VCAN: variants seen among roughly 807,000 people sequenced by gnomAD.
VCAN encodes the protein versican.
In VCAN, 44 loss-of-function variants were observed where a neutral mutation model predicts 245.5. The observed-to-expected ratio is 0.18, with a 90% CI of 0.14 to 0.23. The LOEUF (loss-of-function observed/expected upper bound fraction) is 0.23. Ranked by LOEUF, VCAN falls within the 10% of genes least tolerant of loss-of-function variation. VCAN has a pLI of 1.00. For missense variants in VCAN, 3,793 were observed against 4,057.9 expected, an observed-to-expected ratio of 0.93 and a Z score of 1.77; for synonymous variants, 1,413 against 1,437.0, an observed-to-expected ratio of 0.98 and a Z score of 0.38.
At chr5:83,556,612 G>T (rs907810677) in intron 12 of VCAN, among the ~76,000 whole-genome samples, 1 of 152,122 alleles carries the variant, frequency 6.6e-6, no homozygotes, top group Admixed American at 6.6e-5. Flanking sequence ...GTCCTGGCTG[G>T]ATGTATTGGA....
At chr5:83,526,085 GC>G (rs1230009145) in intron 7 of VCAN, among the ~76,000 whole-genome samples, 2 of 146,716 alleles carry the variant, frequency 1.4e-5, no homozygotes, top group Non-Finnish European at 3.1e-5. Context: ...GATTACAGGC[GC>G]CTGCCACCAT....
Position 83,521,826 on chromosome 5 carries a change from T to A in VCAN, c.3520T>A (p.Ser1174Thr), listed in dbSNP as rs1169471756. ...LMEETTTEKT[S>T]LEDIDLGSGL... is the part of the protein sequence containing the mutation. ...GGAAGAAACCACTACTGAGAAAACA[T>A]CCCTAGAGGATATTGATTTAGGCTC... Residue 1174 changes from serine (S) to threonine (T), a missense_variant, in exon 7 of 15, where the codon TCC (serine) becomes ACC (threonine). Ser to Thr is a moderately conservative substitution (Grantham distance 58, BLOSUM62 1). This residue lies in a region of VCAN where 3,182 missense variants were observed against 3,250.3 expected (regional missense o/e 0.98). Transcript: ENST00000265077. 1.9e-6 allele frequency: 3 copies of A among 1,613,946 alleles called. No homozygotes were observed. Among genetic ancestry groups the A allele is most frequent in the Non-Finnish European group, 2.5e-6 (3 of 1,180,004 alleles).
intron 7 of VCAN, among the ~76,000 whole-genome samples, chr5:83,522,917 C>A (rs954690002): frequency 2.0e-5 from 3 of 152,064 alleles, no homozygotes; most frequent in African/African-American, 7.2e-5. Context: ...CTATTTAGAG[C>A]AAGTACAACC....
chr5:83,512,581 AT>A, intron 6 of VCAN, 185 bp downstream of exon 6: 1 of 757,956 alleles, frequency 1.3e-6, no homozygotes. Context: ...AACCACAGGA[AT>A]TTTGGCAAAT....
chr5:83,471,999 A>G lies in VCAN; in HGVS notation c.-31A>G. 2.6e-6 allele frequency: 1 copy of G among 381,396 alleles called. No homozygotes were observed. The allele number at this position is 381,396 out of a possible 1,614,324, so 23.6% of individuals were successfully genotyped here. On this transcript the variant is annotated 5_prime_UTR_variant, in exon 1 of 15. Coordinates refer to ENST00000265077, the MANE Select transcript of VCAN (RefSeq NM_004385.5). ...CAGCGCTGCAGTGAATTTTCCCCCCAAACTGCAATAAGCCGCCTTCCAAGG... is the reference window on the plus strand; with the variant it reads ...CAGCGCTGCAGTGAATTTTCCCCCCGAACTGCAATAAGCCGCCTTCCAAGG...
chr5:83,546,530 C>T (rs948725471), intron 9 of VCAN, among the ~76,000 whole-genome samples: 8 of 150,604 alleles, frequency 5.3e-5, no homozygotes, highest in Admixed American at 4.0e-4. Flanking sequence ...GCGAGGTGGG[C>T]GAATCGCTTG....
At position 83,548,054 on chromosome 5, in the gene VCAN, C is replaced by T; in HGVS notation, c.9463C>T (p.Pro3155Ser). The change falls in exon 10 of 15, where the codon CCA becomes TCA. Residue 3155 changes from proline (P) to serine (S), a missense_variant. Around this residue, in one of 5 missense-constraint regions of VCAN, gnomAD observed 205 missense variants for 321.1 expected, o/e 0.64. Coordinates refer to ENST00000265077, the MANE Select transcript of VCAN (RefSeq NM_004385.5). ...GFNTFRCLCL[P>S]SYVGALCEQD... Reference sequence around the variant, plus strand: ...TAACACATTCAGGTGCCTCTGCCTTCCAAGTTATGTTGGTGCACTTTGTGA... The same window carrying T: ...TAACACATTCAGGTGCCTCTGCCTTTCAAGTTATGTTGGTGCACTTTGTGA... The T allele has an allele frequency of 6.2e-7, 1 of 1,613,990 alleles. No individual in the cohort carries two copies. The highest frequency in any genetic ancestry group is 1.3e-5 in the African/African-American group (1 of 75,032).
At chr5:83,552,598 A>T (rs1747510038) in intron 10 of VCAN, among the ~76,000 whole-genome samples, 1 of 152,176 alleles carries the variant, frequency 6.6e-6, no homozygotes, top group Non-Finnish European at 1.5e-5. Flanking sequence ...GAAAAATATT[A>T]TTGTCCCACT....
At chr5:83,524,197 T>C (rs1746204755) in intron 7 of VCAN, among the ~76,000 whole-genome samples, 1 of 152,096 alleles carries the variant, frequency 6.6e-6, no homozygotes, top group Non-Finnish European at 1.5e-5. Flanking sequence ...AAGTTATAAA[T>C]GGTTGCTGGA....
Position 83,520,049 on chromosome 5 carries a change from G to A in VCAN, c.1743G>A (p.Thr581=), listed in dbSNP as rs200071809. 19 of 1,613,860 alleles carry A rather than the reference G, an allele frequency of 1.2e-5. No homozygotes were observed. Among genetic ancestry groups the A allele is most frequent in the South Asian group, 9.9e-5 (9 of 91,074 alleles). Residue 581 remains threonine (T), a synonymous_variant, in exon 7 of 15, where the codon ACG becomes ACA. Coordinates refer to ENST00000265077, the MANE Select transcript of VCAN (RefSeq NM_004385.5). The part of the protein sequence containing the change: ...LIFDQIPEVI[T]VSKTSEDTIH... Reference sequence around the variant, plus strand: ...TTGACCAAATTCCTGAAGTCATTACGGTGTCAAAGACTTCAGAAGACACCA... The same window carrying A: ...TTGACCAAATTCCTGAAGTCATTACAGTGTCAAAGACTTCAGAAGACACCA...
chr5:83,496,196 C>CT (rs1421244542), intron 5 of VCAN, among the ~76,000 whole-genome samples: 1 of 152,190 alleles, frequency 6.6e-6, no homozygotes, highest in Non-Finnish European at 1.5e-5. Context: ...GAACTGGACT[C>CT]TGTCAGAAGA....
intron 7 of VCAN, chr5:83,536,129 G>A (rs1172891453): frequency 6.6e-6 from 1 of 152,136 alleles, no homozygotes; most frequent in South Asian, 2.1e-4. Flanking sequence ...ATATTCTGAT[G>A]ATACATACTT....
At chr5:83,543,716 A>G (rs1303671916) in intron 8 of VCAN, among the ~76,000 whole-genome samples, 2 of 152,206 alleles carry the variant, frequency 1.3e-5, no homozygotes, top group East Asian at 3.9e-4. Flanking sequence ...CTAGGTACAT[A>G]TAGAGTTAAG....
rs746816207 is a variant in VCAN at position 83,521,631 on chromosome 5, G to C, written c.3325G>C (p.Val1109Leu). The change falls in exon 7 of 15, where the codon GTA (valine) becomes CTA (leucine). Residue 1109 changes from valine to leucine, a missense_variant. By Grantham distance (32) the Val-to-Leu change is conservative (BLOSUM62 1). Coordinates refer to ENST00000265077, the MANE Select transcript of VCAN (RefSeq NM_004385.5). ...CAGTGTGTCTTATCCACCAGGTGCT[G>C]TAACTGAGCACAAAGTGAAAACAGA... ...DHSVSYPPGA[V>L]TEHKVKTDEV... 5 of 1,613,744 alleles carry C rather than the reference G, an allele frequency of 3.1e-6. No homozygotes were observed. The highest frequency in any genetic ancestry group is 1.1e-5 in the South Asian group (1 of 91,084).
At chr5:83,534,650 A>G (rs1746639115) in intron 7 of VCAN, among the ~76,000 whole-genome samples, 1 of 152,038 alleles carries the variant, frequency 6.6e-6, no homozygotes, top group African/African-American at 2.4e-5. Context: ...AGATATGCAC[A>G]TTTTTAAACT....
chr5:83,563,667 T>G (rs1170852404), intron 12 of VCAN, among the ~76,000 whole-genome samples: 1 of 152,196 alleles, frequency 6.6e-6, no homozygotes, highest in Non-Finnish European at 1.5e-5. Context: ...TTGCCCTTGG[T>G]ATCCAGTGCG....
Position 83,540,115 on chromosome 5 carries a change from C to G in VCAN, c.7112C>G (p.Thr2371Ser), listed in dbSNP as rs531873083. The change falls in exon 8 of 15, where the codon ACT becomes AGT. Residue 2371 changes from threonine to serine, a missense_variant. Thr to Ser is a moderately conservative substitution (Grantham distance 58). Around this residue, in one of 5 missense-constraint regions of VCAN, gnomAD observed 3,182 missense variants for 3,250.3 expected, o/e 0.98. Transcript: ENST00000265077. ...QTVRWAEEIQ[T>S]SRPQTITEQD... ...GTCAGGTGGGCAGAAGAAATCCAGA[C>G]TAGTAGACCACAAACCATAACTGAA... 36 of 1,613,964 alleles carry G rather than the reference C, an allele frequency of 2.2e-5. No homozygotes were observed. The South Asian group carries it at 3.4e-4, about 15-fold the overall frequency.
chr5:83,483,683 T>A, intron 2 of VCAN, 95 bp downstream of exon 2: 6 of 1,199,468 alleles, frequency 5.0e-6, no homozygotes, highest in Non-Finnish European at 6.1e-6. Flanking sequence ...AATAAAAGAT[T>A]GATTTTTAAA....
At chr5:83,508,735 A>G (rs180997008) in intron 5 of VCAN, among the ~76,000 whole-genome samples, 207 of 152,344 alleles carry the variant, frequency 1.4e-3, no homozygotes, top group Non-Finnish European at 2.4e-3. Flanking sequence ...AGTAAACTCA[A>G]TTGATTCTGG....
Sources: gnomAD v4.1 joint callset for allele counts (sites outside exome capture counted in the v4.1 genomes callset) on GRCh38, gnomAD v4.1.1 for gene constraint, gnomAD v4.1.1 regional missense constraint, MANE v1.5 for transcripts, NCBI Gene and HGNC (gene_info 2026-07-23, HGNC 2026-07-21) for gene names.